The following MACROD2 variants were observed in gnomAD, a reference collection of about 807,000 sequenced individuals.
MACROD2 encodes the protein ADP-ribose glycohydrolase MACROD2.
MACROD2 carries 36 observed loss-of-function variants against 70.4 expected under a neutral mutation model. The observed-to-expected ratio is 0.51, with a 90% CI of 0.39 to 0.68. MACROD2 has a LOEUF of 0.68. MACROD2 is among the 30% of genes least tolerant of loss of function. The pLI is 0.00. For missense variants in MACROD2, 496 were observed against 538.4 expected, an observed-to-expected ratio of 0.92 and a Z score of 0.78; for synonymous variants, 172 against 178.8, an observed-to-expected ratio of 0.96 and a Z score of 0.30.
chr20:15,334,226 C>G (rs2078023938), intron 6 of MACROD2, among the ~76,000 whole-genome samples: 1 of 151,674 alleles, frequency 6.6e-6, no homozygotes, highest in Admixed American at 6.6e-5. Context: ...AACATGATTC[C>G]TTCAGCACTG....
intron 4 of MACROD2, among the ~76,000 whole-genome samples, chr20:14,634,643 T>A (rs984581618): frequency 2.0e-5 from 3 of 151,488 alleles, no homozygotes; most frequent in African/African-American, 7.3e-5. Context: ...AGAGTTTTAC[T>A]TGAATTGCCT....
chr20:15,550,854 G>A (rs1482299739), intron 8 of MACROD2, among the ~76,000 whole-genome samples: 1 of 152,166 alleles, frequency 6.6e-6, no homozygotes, highest in African/African-American at 2.4e-5. Context: ...TGAGAAAACA[G>A]TCTCAGAGCT....
At chr20:14,117,249 T>C (rs1305362160) in intron 3 of MACROD2, among the ~76,000 whole-genome samples, 2 of 152,220 alleles carry the variant, frequency 1.3e-5, no homozygotes, top group East Asian at 1.9e-4. Context: ...TTGACTCTTA[T>C]GATCCTTGTA....
At chr20:15,897,186 C>A (rs1006622024) in intron 10 of MACROD2, among the ~76,000 whole-genome samples, 1 of 152,050 alleles carries the variant, frequency 6.6e-6, no homozygotes, top group Non-Finnish European at 1.5e-5. Context: ...TTTCTTAAAG[C>A]AGTATTGGTG....
intron 7 of MACROD2, among the ~76,000 whole-genome samples, chr20:15,456,590 A>G (rs780382880): frequency 2.0e-5 from 3 of 152,184 alleles, no homozygotes; most frequent in Non-Finnish European, 4.4e-5. Context: ...AGGAAAGGCT[A>G]TTAATTCTTA....
At chr20:14,799,864 T>C (rs968425668) in intron 5 of MACROD2, among the ~76,000 whole-genome samples, 1 of 152,124 alleles carries the variant, frequency 6.6e-6, no homozygotes, top group African/African-American at 2.4e-5. Flanking sequence ...GGAAGAAATA[T>C]TCTTGTCTTC....
intron 5 of MACROD2, among the ~76,000 whole-genome samples, chr20:14,844,385 C>A (rs891471911): frequency 2.0e-5 from 3 of 151,792 alleles, no homozygotes; most frequent in Admixed American, 2.0e-4. Context: ...GGCTTGGTGG[C>A]AGATGCCTAT....
At chr20:14,686,313 T>A (rs2123600024) in intron 5 of MACROD2, among the ~76,000 whole-genome samples, 1 of 152,324 alleles carries the variant, frequency 6.6e-6, no homozygotes, top group Middle Eastern at 3.4e-3. Context: ...AATTCATTTA[T>A]GTTTTATATG....
intron 6 of MACROD2, among the ~76,000 whole-genome samples, chr20:15,232,048 T>C (rs992927385): frequency 4.6e-5 from 7 of 151,960 alleles, no homozygotes; most frequent in Non-Finnish European, 8.8e-5. Context: ...GAAAAATATT[T>C]TTCTTTTCTT....
chr20:15,672,348 TACAC>T lies in MACROD2; in HGVS notation c.645+172536_645+172539del, dbSNP rs3071295. 9.9e-3 allele frequency among the ~76,000 whole-genome samples: 1,402 copies of T among 141,934 alleles called. 5 individuals carry two copies. Among genetic ancestry groups the T allele is most frequent in the Middle Eastern group, 0.014 (4 of 286 alleles). 93.1% of individuals were successfully genotyped at this position (141,934 alleles called of 152,430 possible). A position where few individuals can be genotyped will look rare whatever the true frequency, so the allele number is the denominator to read the frequency against. Reference sequence around the variant, plus strand: ...TTCATTTTCAAAATCTGTTCTATTTTACACACACACACACACACACACACACACA... The same window carrying T: ...TTCATTTTCAAAATCTGTTCTATTTTACACACACACACACACACACACACA... On this transcript the variant is annotated intron_variant, in intron 8 of 17. Coordinates refer to ENST00000684519, the MANE Select transcript of MACROD2 (RefSeq NM_001351661.2).
intron 8 of MACROD2, among the ~76,000 whole-genome samples, chr20:15,816,565 T>C (rs948879442): frequency 6.6e-6 from 1 of 152,200 alleles, no homozygotes; most frequent in African/African-American, 2.4e-5. Context: ...AGTAGATTAA[T>C]CATTCATAGA....
At chr20:14,695,039 C>CCT (rs112334570) in intron 5 of MACROD2, among the ~76,000 whole-genome samples, 61 of 150,058 alleles carry the variant, frequency 4.1e-4, no homozygotes, top group East Asian at 5.8e-4. Context: ...CTGTGGTTTC[C>CCT]CTCTCTCTCT....
intron 2 of MACROD2, among the ~76,000 whole-genome samples, chr20:14,007,761 G>C (rs887396182): frequency 3.9e-5 from 6 of 152,098 alleles, no homozygotes; most frequent in African/African-American, 1.4e-4. Context: ...TTTTTGGATG[G>C]AGTAGTGTTG....
chr20:16,023,473 C>CAAAAAA (rs60347463), intron 15 of MACROD2, among the ~76,000 whole-genome samples: 29 of 71,396 alleles, frequency 4.1e-4, no homozygotes, highest in Non-Finnish European at 5.9e-4. Context: ...GACTCCATCT[C>CAAAAAA]AAAAAAAAAA....
At chr20:15,267,008 T>C (rs1050063561) in intron 6 of MACROD2, among the ~76,000 whole-genome samples, 3 of 152,172 alleles carry the variant, frequency 2.0e-5, no homozygotes, top group South Asian at 2.1e-4. Context: ...ATTTTATTAG[T>C]AGGAGTGGAG....
At chr20:15,153,802 A>G (rs1010069695) in intron 5 of MACROD2, among the ~76,000 whole-genome samples, 7 of 152,182 alleles carry the variant, frequency 4.6e-5, no homozygotes, top group African/African-American at 1.7e-4. Flanking sequence ...GGCATTGGTC[A>G]CATCTTGTTT....
At chr20:15,918,222 C>T (rs1440802107) in intron 10 of MACROD2, among the ~76,000 whole-genome samples, 4 of 152,140 alleles carry the variant, frequency 2.6e-5, no homozygotes, top group African/African-American at 9.7e-5. Flanking sequence ...GTTAATAGGA[C>T]AGACTTTGAA....
In MACROD2 at chr20:15,241,679, C is replaced by T. The variant is rs533770637; in HGVS notation, c.540+11618C>T. Among the ~76,000 whole-genome samples, 19 of 132,520 alleles carry T rather than the reference C, an allele frequency of 1.4e-4. No individual in the cohort carries two copies. In the South Asian group the frequency reaches 4.7e-3, roughly 33 times the overall value. The allele number at this position is 132,520 out of a possible 152,430, so 86.9% of individuals were successfully genotyped here. On this transcript the variant is annotated intron_variant, in intron 6 of 17. Transcript: ENST00000684519. ...GAAACATACCACTACATAAAGTCTT[C>T]AAAACAATGAAAATCCAGAAACAGC...
At chr20:14,565,498 A>G (rs1936719442) in intron 4 of MACROD2, among the ~76,000 whole-genome samples, 1 of 150,094 alleles carries the variant, frequency 6.7e-6, no homozygotes, top group Non-Finnish European at 1.5e-5. Context: ...ATAGAAGGAT[A>G]TAATGTAAAC....
Sources: gnomAD v4.1 joint callset for allele counts (sites outside exome capture counted in the v4.1 genomes callset) on GRCh38, gnomAD v4.1.1 for gene constraint, MANE v1.5 for transcripts, NCBI Gene and HGNC (gene_info 2026-07-23, HGNC 2026-07-21) for gene names.